MARK2: variants seen among roughly 807,000 people sequenced by gnomAD.
MARK2 encodes the protein serine/threonine-protein kinase MARK2.
In MARK2, 16 loss-of-function variants were observed where a neutral mutation model predicts 89.8. That is an observed-to-expected ratio of 0.18 (90% CI 0.12 to 0.27). The LOEUF (loss-of-function observed/expected upper bound fraction) is 0.27, where lower values mean the gene tolerates loss of function less well. MARK2 is among the 10% of genes least tolerant of loss of function. MARK2 has a pLI of 1.00. For synonymous variants in MARK2, 382 were observed against 399.5 expected (o/e 0.96, Z 0.52); for missense variants, 621 against 1,049.9 (o/e 0.59, Z 5.65).
At chr11:63,844,220 C>T (rs1198517382) in intron 1 of MARK2, among the ~76,000 whole-genome samples, 1 of 152,206 alleles carries the variant, frequency 6.6e-6, no homozygotes, top group Non-Finnish European at 1.5e-5. Flanking sequence ...TGGCTCATGC[C>T]TGTAGTCCTA....
At chr11:63,884,968 G>C (rs1292087813) in intron 1 of MARK2, among the ~76,000 whole-genome samples, 1 of 152,130 alleles carries the variant, frequency 6.6e-6, no homozygotes, top group East Asian at 1.9e-4. Flanking sequence ...TTAGGAGGCC[G>C]AGGTGAGAGG....
chr11:63,902,882 ACTT>A lies in MARK2; in HGVS notation c.1416+103_1416+105del. 8.7e-7 allele frequency: 1 copy of A among 1,151,790 alleles called. No homozygotes were observed. The highest frequency in any genetic ancestry group is 1.3e-5 in the South Asian group (1 of 74,752). 71.3% of individuals were successfully genotyped at this position (1,151,790 alleles called of 1,614,324 possible). ...TCAGACTCTGTTCCCTTTGGCTACTACTTCTGCTTATAGCAGGAAGCCTCGCTC... is the reference window on the plus strand; with the variant it reads ...TCAGACTCTGTTCCCTTTGGCTACTACTGCTTATAGCAGGAAGCCTCGCTC... On this transcript the variant is annotated intron_variant, in intron 13 of 18. Coordinates refer to ENST00000402010, the MANE Select transcript of MARK2 (RefSeq NM_001039469.3). This position sits in a 1 kb window ranked among gnomAD's most constrained non-coding sequence, Gnocchi z 4.2.
In MARK2 at chr11:63,853,625, C is replaced by T. The variant is rs184286720; in HGVS notation, c.54+14065C>T. Among the ~76,000 whole-genome samples the T allele has an allele frequency of 2.3e-3, 347 of 152,252 alleles. 1 individual carries two copies. The highest frequency in any genetic ancestry group is 4.4e-3 in the Non-Finnish European group (297 of 68,008). ...AACTTCCTGAATCTCATGACTTATC[C>T]TGGAACAACTTTATTTCCATTTGCA... On this transcript the variant is annotated intron_variant, in intron 1 of 18. Coordinates refer to ENST00000402010, the MANE Select transcript of MARK2 (RefSeq NM_001039469.3).
chr11:63,875,028 G>A (rs1938662551), intron 1 of MARK2, among the ~76,000 whole-genome samples: 1 of 152,008 alleles, frequency 6.6e-6, no homozygotes, highest in African/African-American at 2.4e-5. Flanking sequence ...AAGGCTCACT[G>A]CAGCCTCAAC....
chr11:63,888,712 G>C lies in MARK2; in HGVS notation c.55-6447G>C, dbSNP rs889654628. On this transcript the variant is annotated intron_variant, in intron 1 of 18. Transcript: ENST00000402010. ...AAACCCAGTCTCTCTGCTAGTGGTG[G>C]TTTCGGTTGCGACACCGTCCAGGTT... is the stretch of plus-strand genomic sequence containing the variant. The C allele has an allele frequency of 3.4e-6, 4 of 1,191,740 alleles. No homozygotes were observed. The East Asian group carries it at 2.3e-4, about 70-fold the overall frequency. The allele number at this position is 1,191,740 out of a possible 1,614,324, so 73.8% of individuals were successfully genotyped here. A position where few individuals can be genotyped will look rare whatever the true frequency, so the allele number is the denominator to read the frequency against.
chr11:63,908,172 C>T, intron 17 of MARK2, 88 bp from the exon 18 acceptor site: 1 of 1,271,544 alleles, frequency 7.9e-7, no homozygotes, highest in Non-Finnish European at 1.1e-6. Context: ...CTGGTGGCAC[C>T]TCCCCAGACC....
chr11:63,852,067 G>A (rs2016599754), intron 1 of MARK2, among the ~76,000 whole-genome samples: 1 of 152,196 alleles, frequency 6.6e-6, no homozygotes, highest in Non-Finnish European at 1.5e-5. Flanking sequence ...TTAACACAGT[G>A]TTGCTTTTTC....
chr11:63,879,610 C>T (rs1938973269), intron 1 of MARK2, among the ~76,000 whole-genome samples: 1 of 151,776 alleles, frequency 6.6e-6, no homozygotes, highest in African/African-American at 2.4e-5. Flanking sequence ...AAAGATAGCA[C>T]CTCTCCCTTC....
intron 18 of MARK2, among the ~76,000 whole-genome samples, chr11:63,908,587 C>T (rs1228404795): frequency 6.6e-6 from 1 of 152,194 alleles, no homozygotes; most frequent in African/African-American, 2.4e-5. Flanking sequence ...TCCCTGTGCT[C>T]GGAGGCTTCT....
chr11:63,901,262 G>A (rs555939775), intron 11 of MARK2, among the ~76,000 whole-genome samples, 193 bp downstream of exon 11: 103 of 152,324 alleles, frequency 6.8e-4, no homozygotes, highest in Middle Eastern at 3.4e-3. Flanking sequence ...TTAATAGAAA[G>A]CTGGTAGGGT....
chr11:63,839,956 A>C (rs937362382), intron 1 of MARK2, among the ~76,000 whole-genome samples: 1 of 150,368 alleles, frequency 6.7e-6, no homozygotes, highest in African/African-American at 2.5e-5. Context: ...ATCGTTGTCC[A>C]CCTCTCCCTT....
In MARK2 at chr11:63,909,491, AG is replaced by A. The variant is rs952956558; in HGVS notation, c.*257del. 8.1e-6 allele frequency: 3 copies of A among 371,164 alleles called. No individual in the cohort carries two copies. The Admixed American group carries it at 1.3e-4, about 16-fold the overall frequency. 23.0% of individuals were successfully genotyped at this position (371,164 alleles called of 1,614,324 possible). On this transcript the variant is annotated 3_prime_UTR_variant, in exon 19 of 19. Transcript: ENST00000402010. ...CCCCTACTGGAGGCAAAGGAAGGGGAGGGTGGATGGGGGGGCAGGGCTCCCC... is the reference window on the plus strand; with the variant it reads ...CCCCTACTGGAGGCAAAGGAAGGGGAGGTGGATGGGGGGGCAGGGCTCCCC...
Position 63,903,879 on chromosome 11 carries a change from G to A in MARK2, c.1515-107G>A. ...GCTGCCCAGGCCTGACTTCTACCCT[G>A]CCAGAGCTCCCCAGCTCTGGCCCTT... On this transcript the variant is annotated intron_variant, in intron 14 of 18. Coordinates refer to ENST00000402010, the MANE Select transcript of MARK2 (RefSeq NM_001039469.3). The surrounding 1 kb of genome is among the most constrained non-coding windows in gnomAD (Gnocchi z 5.1). The A allele has an allele frequency of 1.1e-6, 1 of 910,130 alleles. No homozygotes were observed. The highest frequency in any genetic ancestry group is 1.6e-6 in the Non-Finnish European group (1 of 609,628). 56.4% of individuals were successfully genotyped at this position (910,130 alleles called of 1,614,324 possible). A position where few individuals can be genotyped will look rare whatever the true frequency, so the allele number is the denominator to read the frequency against.
rs992348884 is a variant in MARK2 at position 63,903,926 on chromosome 11, C to G, written c.1515-60C>G. On this transcript the variant is annotated intron_variant, in intron 14 of 18. Coordinates refer to ENST00000402010, the MANE Select transcript of MARK2 (RefSeq NM_001039469.3). This position sits in a 1 kb window ranked among gnomAD's most constrained non-coding sequence, Gnocchi z 5.1. ...CCTTCCCCTGCCCTTGCTTCCTAATCCAGGCCTCCCGCCCTCACTCACCCC... is the reference window on the plus strand; with the variant it reads ...CCTTCCCCTGCCCTTGCTTCCTAATGCAGGCCTCCCGCCCTCACTCACCCC... 7.6e-6 allele frequency: 11 copies of G among 1,456,806 alleles called. No homozygotes were observed. The highest frequency in any genetic ancestry group is 9.3e-6 in the Non-Finnish European group (10 of 1,079,492). The allele number at this position is 1,456,806 out of a possible 1,614,324, so 90.2% of individuals were successfully genotyped here.
At chr11:63,853,317 T>G (rs2016667082) in intron 1 of MARK2, among the ~76,000 whole-genome samples, 1 of 151,986 alleles carries the variant, frequency 6.6e-6, no homozygotes, top group Admixed American at 6.6e-5. Context: ...GAGAATCGTT[T>G]GAACCCAAGA....
At chr11:63,896,511 T>G (rs1286193527) in intron 3 of MARK2, among the ~76,000 whole-genome samples, 6 of 152,192 alleles carry the variant, frequency 3.9e-5, no homozygotes, top group Admixed American at 3.9e-4. Context: ...ATTGTGGCAG[T>G]TGAGTTAGGA....
chr11:63,861,429 C>T (rs1018959042), intron 1 of MARK2, among the ~76,000 whole-genome samples: 7 of 151,830 alleles, frequency 4.6e-5, no homozygotes, highest in Admixed American at 3.3e-4. Context: ...AGCGAGACTC[C>T]GTCTCAGAAA....
At chr11:63,855,020 CATT>C (rs558020910) in intron 1 of MARK2, among the ~76,000 whole-genome samples, 5 of 152,046 alleles carry the variant, frequency 3.3e-5, no homozygotes, top group Admixed American at 6.6e-5. Context: ...GTGAGCCTGT[CATT>C]GTTGCCAGTG....
intron 1 of MARK2, among the ~76,000 whole-genome samples, chr11:63,844,498 A>G (rs2016182013): frequency 6.6e-6 from 1 of 152,206 alleles, no homozygotes. Context: ...AAAAAAAATT[A>G]CTTTTCTCCA....
Sources: allele counts gnomAD v4.1 joint callset (sites outside exome capture counted in the v4.1 genomes callset), GRCh38; gene constraint gnomAD v4.1.1; non-coding constraint Gnocchi (gnomAD v3.1); transcripts MANE v1.5; gene names NCBI Gene and HGNC (gene_info 2026-07-23, HGNC 2026-07-21).